ANK2: variants seen among roughly 807,000 people sequenced by gnomAD.
ANK2 encodes the protein ankyrin-2.
ANK2 carries 83 observed loss-of-function variants against 360.5 expected under a neutral mutation model. That is an observed-to-expected ratio of 0.23 (90% CI 0.19 to 0.28). ANK2 has a LOEUF of 0.28. ANK2 is among the 10% of genes least tolerant of loss of function. The probability of loss-of-function intolerance (pLI) is 1.00; values close to 1 mark genes in which losing one functional copy is unlikely to be tolerated. For missense variants in ANK2, 4,201 were observed against 4,795.7 expected, an observed-to-expected ratio of 0.88 and a Z score of 3.66; for synonymous variants, 1,740 against 1,759.5, an observed-to-expected ratio of 0.99 and a Z score of 0.28.
At position 113,356,914 on chromosome 4, in the gene ANK2, A is replaced by G. The variant is rs1470874990; in HGVS notation, c.8296A>G (p.Thr2766Ala). The G allele has an allele frequency of 1.2e-6, 2 of 1,614,040 alleles. No homozygotes were observed. Among genetic ancestry groups the G allele is most frequent in the Non-Finnish European group, 1.7e-6 (2 of 1,179,974 alleles). ...DRSYDKLNRDTDQPKICDGHG... is the reference protein window; with the variant it reads ...DRSYDKLNRDADQPKICDGHG... ...GTCTTATGATAAGCTAAACAGAGAC[A>G]CTGATCAGCCAAAAATCTGTGATGG... Residue 2766 changes from threonine to alanine, a missense_variant, in exon 38 of 46, where the codon ACT becomes GCT. This residue lies in a region of ANK2 where 2,642 missense variants were observed against 2,714.5 expected (regional missense o/e 0.97). Transcript: ENST00000357077.
At chr4:113,176,893 T>G (rs2098230457) in intron 2 of ANK2, among the ~76,000 whole-genome samples, 1 of 152,160 alleles carries the variant, frequency 6.6e-6, no homozygotes, top group African/African-American at 2.4e-5. Context: ...TGGTTTTTTG[T>G]CCTTGAGATA....
intron 37 of ANK2, chr4:113,350,512 T>C: frequency 2.6e-6 from 1 of 387,542 alleles, no homozygotes; most frequent in Non-Finnish European, 4.7e-6. Flanking sequence ...TTAACCCTGG[T>C]ATTGCTGTTA....
intron 2 of ANK2, among the ~76,000 whole-genome samples, chr4:112,974,375 C>T (rs2154267874): frequency 6.6e-6 from 1 of 152,342 alleles, no homozygotes; most frequent in South Asian, 2.1e-4. Flanking sequence ...GAATCAACTA[C>T]AGCATCAAAT....
chr4:112,929,170 A>C (rs1365577645), intron 2 of ANK2, among the ~76,000 whole-genome samples: 1 of 152,072 alleles, frequency 6.6e-6, no homozygotes, highest in Non-Finnish European at 1.5e-5. Context: ...TCAGTTTTTT[A>C]AATTGAGTTC....
chr4:113,319,759 A>G (rs938879859), intron 26 of ANK2, among the ~76,000 whole-genome samples: 20 of 152,174 alleles, frequency 1.3e-4, no homozygotes, highest in Non-Finnish European at 5.9e-5. Context: ...AAAACAAATT[A>G]CACTTCATTC....
In ANK2 at chr4:113,089,857, TA is replaced by T. The variant is rs1554110246; in HGVS notation, c.84+40052del. On this transcript the variant is annotated intron_variant, in intron 1 of 45. Transcript: ENST00000357077. ...ATTAAAATAAAAATAAAAAAGCTGA[TA>T]AAAAAATATATGAAACAACCTCCTG... Among the ~76,000 whole-genome samples the T allele has an allele frequency of 8.4e-3, 1,283 of 152,130 alleles. 12 individuals carry two copies. The highest frequency in any genetic ancestry group is 0.015 in the Non-Finnish European group (1,004 of 68,004).
intron 31 of ANK2, 59 bp from the exon 32 acceptor site, chr4:113,339,167 T>C (rs549687806): frequency 7.1e-7 from 1 of 1,405,596 alleles, no homozygotes; most frequent in Admixed American, 1.7e-5. Context: ...AAAGACTTTA[T>C]TTTAGAATCT....
chr4:112,811,649 G>C, the ANK2 span, among the ~76,000 whole-genome samples: 1 of 152,112 alleles, frequency 6.6e-6, no homozygotes, highest in Non-Finnish European at 1.5e-5. Flanking sequence ...AATGCTGTTG[G>C]CACCCATTGC....
intron 1 of ANK2, chr4:112,827,387 C>T: frequency 7.3e-7 from 1 of 1,373,778 alleles, no homozygotes; most frequent in Non-Finnish European, 1.0e-6. Context: ...AATCTCACAG[C>T]TCTTGCAGCT....
intron 2 of ANK2, among the ~76,000 whole-genome samples, chr4:112,945,972 GGA>G (rs1182059252): frequency 1.3e-5 from 2 of 152,184 alleles, no homozygotes; most frequent in Non-Finnish European, 2.9e-5. Context: ...ACAGTGACTG[GGA>G]GAGAGTTAGT....
At chr4:113,025,095 A>G (rs1018975344) in intron 2 of ANK2, among the ~76,000 whole-genome samples, 1 of 152,060 alleles carries the variant, frequency 6.6e-6, no homozygotes, top group Admixed American at 6.6e-5. Flanking sequence ...TCTTACATCC[A>G]TAATTCATGT....
chr4:113,268,433 C>G lies in ANK2; in HGVS notation c.1485+3438C>G, dbSNP rs188421168. 2.0e-3 allele frequency among the ~76,000 whole-genome samples: 303 copies of G among 152,252 alleles called. 1 individual carries two copies. Among genetic ancestry groups the G allele is most frequent in the Middle Eastern group, 0.014 (4 of 294 alleles). On this transcript the variant is annotated intron_variant, in intron 14 of 45. Coordinates refer to ENST00000357077, the MANE Select transcript of ANK2 (RefSeq NM_001148.6). ...ATTTTGAGATATGTTCCATCAATAC[C>G]TAGTTTATTGAGAGTTTTTAGCATG...
chr4:113,311,409 A>G lies in ANK2; in HGVS notation c.2693+10A>G. 1 of 1,614,052 alleles carries G rather than the reference A, an allele frequency of 6.2e-7. No individual in the cohort carries two copies. Among genetic ancestry groups the G allele is most frequent in the Non-Finnish European group, 8.5e-7 (1 of 1,179,954 alleles). On this transcript the variant is annotated intron_variant, in intron 24 of 45. Coordinates refer to ENST00000357077, the MANE Select transcript of ANK2 (RefSeq NM_001148.6). Reference sequence around the variant, plus strand: ...GAGGACGATCTGACAGGTATCTCATAAAACTTATAATTGATGTCAGCCAGA... The same window carrying G: ...GAGGACGATCTGACAGGTATCTCATGAAACTTATAATTGATGTCAGCCAGA...
At chr4:112,722,214 A>G in the ANK2 span, among the ~76,000 whole-genome samples, 12 of 152,110 alleles carry the variant, frequency 7.9e-5, no homozygotes, top group African/African-American at 2.4e-4. Flanking sequence ...CTTTTAATGC[A>G]TCCTTACCTC....
chr4:112,993,581 C>A (rs1196966446), intron 2 of ANK2, among the ~76,000 whole-genome samples: 1 of 151,940 alleles, frequency 6.6e-6, no homozygotes, highest in Non-Finnish European at 1.5e-5. Flanking sequence ...GCTGGGATTA[C>A]AGGCATGAGC....
chr4:112,831,488 A>G (rs1277045282), intron 1 of ANK2, among the ~76,000 whole-genome samples: 2 of 152,186 alleles, frequency 1.3e-5, no homozygotes, highest in Non-Finnish European at 2.9e-5. Context: ...TAAACACACC[A>G]ATCAGCACCC....
chr4:113,109,397 C>T (rs527905638), intron 1 of ANK2, among the ~76,000 whole-genome samples: 4 of 152,210 alleles, frequency 2.6e-5, no homozygotes, highest in Admixed American at 1.3e-4. Flanking sequence ...AAACCAAGTT[C>T]GAAGCTTGAG....
intron 36 of ANK2, among the ~76,000 whole-genome samples, chr4:113,349,685 A>G (rs902460980): frequency 2.0e-5 from 3 of 152,140 alleles, no homozygotes; most frequent in African/African-American, 7.2e-5. Context: ...AGGGAAGCCA[A>G]TTTTGCCATG....
rs77366495 is a variant in ANK2 at position 113,089,029 on chromosome 4, A to G, written c.84+39217A>G. Among the ~76,000 whole-genome samples, 23 of 152,312 alleles carry G rather than the reference A, an allele frequency of 1.5e-4. No homozygotes were observed. In the East Asian group the frequency reaches 4.2e-3, roughly 28 times the overall value. ...ATTCTCTCATACTCCAGTGGGCCCA[A>G]CTGGCTTTCTTACCTGGTGGTCTCA... On this transcript the variant is annotated intron_variant, in intron 1 of 45. Coordinates refer to ENST00000357077, the MANE Select transcript of ANK2 (RefSeq NM_001148.6).
Sources: allele counts gnomAD v4.1 joint callset (sites outside exome capture counted in the v4.1 genomes callset), GRCh38; gene constraint gnomAD v4.1.1; regional missense constraint gnomAD v4.1.1; transcripts MANE v1.5; gene names NCBI Gene and HGNC (gene_info 2026-07-23, HGNC 2026-07-21).